Variants in ABHD10 observed in about 807,000 individuals in gnomAD.
The protein encoded by ABHD10 is abhydrolase domain containing 10, depalmitoylase, also known as palmitoyl-protein thioesterase ABHD10, mitochondrial.
In ABHD10, 22 loss-of-function variants were observed where a neutral mutation model predicts 33.1. The ratio of observed to expected loss-of-function variants is 0.66; its 90% CI spans 0.47 to 0.95. The LOEUF is 0.95. Among genes scored for constraint, ABHD10 ranks in the 40% least tolerant of loss-of-function variants. The pLI, the probability that ABHD10 is intolerant of heterozygous loss-of-function variation, is 0.00. For synonymous variants in ABHD10, 146 were observed against 133.9 expected, an observed-to-expected ratio of 1.09 and a Z score of -0.62; for missense variants, 352 against 379.9, an observed-to-expected ratio of 0.93 and a Z score of 0.61.
chr3:111,990,837 C>A, intron 4 of ABHD10: 2 of 699,380 alleles, frequency 2.9e-6, no homozygotes, highest in Non-Finnish European at 4.1e-6. Flanking sequence ...TTCCCTATGC[C>A]ATATCCATTT....
Position 111,986,298 on chromosome 3 carries a change from A to G in ABHD10, c.361A>G (p.Asn121Asp). The G allele has an allele frequency of 1.9e-6, 3 of 1,613,974 alleles. No homozygotes were observed. Among genetic ancestry groups the G allele is most frequent in the Non-Finnish European group, 2.5e-6 (3 of 1,179,890 alleles). Residue 121 changes from asparagine to aspartate, a missense_variant, in exon 3 of 5, where the codon AAC becomes GAC. Physicochemically the swap from Asn to Asp is conservative, Grantham distance 23. Coordinates refer to ENST00000273359, the MANE Select transcript of ABHD10 (RefSeq NM_018394.4). ...DYSGVGSSDG[N>D]SEESTLGKWR... ...CTCAGGAGTTGGAAGTTCAGATGGTAACTCAGAGGAAAGCACACTGGGGAA... is the reference window on the plus strand; with the variant it reads ...CTCAGGAGTTGGAAGTTCAGATGGTGACTCAGAGGAAAGCACACTGGGGAA...
At chr3:111,989,130 A>G (rs1431302228) in intron 4 of ABHD10, among the ~76,000 whole-genome samples, 1 of 152,196 alleles carries the variant, frequency 6.6e-6, no homozygotes, top group Non-Finnish European at 1.5e-5. Context: ...AGCCCTAACA[A>G]TGTCAACGGA....
intron 4 of ABHD10, among the ~76,000 whole-genome samples, 179 bp from the exon 5 acceptor site, chr3:111,991,198 A>G (rs1271290973): frequency 1.3e-5 from 2 of 152,212 alleles, no homozygotes; most frequent in East Asian, 1.9e-4. Context: ...AATAATATGT[A>G]TAAAATACCC....
At chr3:111,985,959 A>G (rs765618349) in intron 2 of ABHD10, among the ~76,000 whole-genome samples, 3 of 152,218 alleles carry the variant, frequency 2.0e-5, no homozygotes, top group Non-Finnish European at 4.4e-5. Context: ...GGATCACTCT[A>G]CTATATAGGG....
rs1487542348 is a variant in ABHD10 at position 111,981,901 on chromosome 3, A to G, written c.260A>G (p.Tyr87Cys). ...ATCTTCATCCCTGGCTATCTTTCTT[A>G]TATGAATGGTACAAAAGCGTTGGCG... ...GIIFIPGYLSYMNGTKALAIE... is the reference protein window; with the variant it reads ...GIIFIPGYLSCMNGTKALAIE... Residue 87 changes from tyrosine to cysteine, a missense_variant, in exon 2 of 5, where the codon TAT (tyrosine) becomes TGT (cysteine). Physicochemically the swap from Tyr to Cys is radical, Grantham distance 194. Transcript: ENST00000273359. The G allele has an allele frequency of 1.9e-6, 3 of 1,608,126 alleles. No homozygotes were observed. The highest frequency in any genetic ancestry group is 1.7e-5 in the Admixed American group (1 of 59,970).
At chr3:111,981,686 C>G in intron 1 of ABHD10, 98 bp from the exon 2 acceptor site, 1 of 1,082,756 alleles carries the variant, frequency 9.2e-7, no homozygotes, top group Non-Finnish European at 1.3e-6. Flanking sequence ...TATTTAACAT[C>G]AATTCATTGA....
intron 4 of ABHD10, among the ~76,000 whole-genome samples, chr3:111,987,745 T>C (rs1259453294): frequency 6.6e-6 from 1 of 152,182 alleles, no homozygotes; most frequent in African/African-American, 2.4e-5. Flanking sequence ...ATATTTTTGA[T>C]ACAAAGTTAG....
chr3:111,990,069 A>G (rs925470794), intron 4 of ABHD10, among the ~76,000 whole-genome samples: 3 of 151,886 alleles, frequency 2.0e-5, no homozygotes, highest in Admixed American at 2.0e-4. Context: ...AATGCCCTTA[A>G]TATTATATGA....
Position 111,981,770 on chromosome 3 carries a change from T to C in ABHD10, c.143-14T>C, listed in dbSNP as rs2072587966. 2 of 1,518,688 alleles carry C rather than the reference T, an allele frequency of 1.3e-6. No individual in the cohort carries two copies. The highest frequency in any genetic ancestry group is 1.8e-6 in the Non-Finnish European group (2 of 1,120,996). 94.1% of individuals were successfully genotyped at this position (1,518,688 alleles called of 1,614,324 possible). ...TTTACAAACCATAGTTTACTTTTTG[T>C]GTACTTTGTTTAGCTTGTAGACAAA... On this transcript the variant is annotated splice_polypyrimidine_tract_variant and intron_variant, in intron 1 of 4. Coordinates refer to ENST00000273359, the MANE Select transcript of ABHD10 (RefSeq NM_018394.4).
At position 111,992,548 on chromosome 3, in the gene ABHD10, A is replaced by C. The variant is rs927205935; in HGVS notation, c.*827A>C. On this transcript the variant is annotated 3_prime_UTR_variant, in exon 5 of 5. Transcript: ENST00000273359. ...AATCAGAAGACGTTCTAAAGTCAGT[A>C]AGAAAGTGTGAAATGCTAGTATAAA... 6.6e-6 allele frequency: 1 copy of C among 152,162 alleles called. No individual in the cohort carries two copies. The highest frequency in any genetic ancestry group is 1.9e-4 in the East Asian group (1 of 5,200). 9.4% of individuals were successfully genotyped at this position (152,162 alleles called of 1,614,324 possible).
chr3:111,982,225 G>C (rs1217425202), intron 2 of ABHD10: 2 of 296,688 alleles, frequency 6.7e-6, no homozygotes, highest in Non-Finnish European at 1.2e-5. Flanking sequence ...CTCTTTAGAG[G>C]CAATAATGTA....
At chr3:111,988,617 G>T (rs7619171) in intron 4 of ABHD10, among the ~76,000 whole-genome samples, 19,422 of 151,648 alleles carry the variant, frequency 0.13, 1,466 homozygotes, top group African/African-American at 0.2. Context: ...GGGTTTTTAG[G>T]GTATCTCTGT....
intron 2 of ABHD10, among the ~76,000 whole-genome samples, chr3:111,982,576 G>C (rs1415567141): frequency 6.6e-6 from 1 of 152,106 alleles, no homozygotes. Flanking sequence ...GAGATGGTAT[G>C]ATTTCGTAAA....
chr3:111,987,093 C>T, intron 4 of ABHD10, 42 bp downstream of exon 4: 11 of 1,589,634 alleles, frequency 6.9e-6, no homozygotes, highest in Non-Finnish European at 9.4e-6. Flanking sequence ...ATATTTACCG[C>T]TTATACTTCT....
Position 111,992,729 on chromosome 3 carries a change from A to G in ABHD10, c.*1008A>G, listed in dbSNP as rs941622520. The stretch of plus-strand genomic sequence containing the variant: ...ACCTTTTAAGTTGACAACATGACTC[A>G]TATATATACATGTGTATAAGATGAG... On this transcript the variant is annotated 3_prime_UTR_variant, in exon 5 of 5. Coordinates refer to ENST00000273359, the MANE Select transcript of ABHD10 (RefSeq NM_018394.4). The G allele has an allele frequency of 6.6e-6, 1 of 152,180 alleles. No homozygotes were observed. The highest frequency in any genetic ancestry group is 2.1e-4 in the South Asian group (1 of 4,820). The allele number at this position is 152,180 out of a possible 1,614,324, so 9.4% of individuals were successfully genotyped here.
chr3:111,987,201 C>T (rs2072679256), intron 4 of ABHD10, 150 bp downstream of exon 4: 3 of 719,456 alleles, frequency 4.2e-6, no homozygotes, highest in African/African-American at 1.8e-5. Flanking sequence ...CCTTTCTGTA[C>T]ACAACCTCTT....
Position 111,979,086 on chromosome 3 carries a change from G to C in ABHD10, c.25G>C (p.Val9Leu). The change falls in exon 1 of 5, where the codon GTG becomes CTG. Residue 9 changes from valine to leucine, a missense_variant. Val to Leu is a conservative substitution (Grantham distance 32, BLOSUM62 1). Transcript: ENST00000273359. Reference sequence around the variant, plus strand: ...GATGGCGGTTGCGCGCTTGGCAGCTGTGGCGGCCTGGGTACCTTGTCGGAG... The same window carrying C: ...GATGGCGGTTGCGCGCTTGGCAGCTCTGGCGGCCTGGGTACCTTGTCGGAG... MAVARLAA[V>L]AAWVPCRSWG... The C allele has an allele frequency of 6.2e-7, 1 of 1,613,386 alleles. No individual in the cohort carries two copies. The highest frequency in any genetic ancestry group is 8.5e-7 in the Non-Finnish European group (1 of 1,179,770).
intron 2 of ABHD10, chr3:111,982,430 G>A (rs1253281063): frequency 6.6e-6 from 1 of 152,198 alleles, no homozygotes; most frequent in African/African-American, 2.4e-5. Flanking sequence ...AGCATAAATA[G>A]GGATAAGTGG....
chr3:111,988,007 G>A (rs937674617), intron 4 of ABHD10, among the ~76,000 whole-genome samples: 1 of 152,128 alleles, frequency 6.6e-6, no homozygotes. Context: ...GAAACTGGGG[G>A]TATGGCCCAG....
Sources: allele counts gnomAD v4.1 joint callset (sites outside exome capture counted in the v4.1 genomes callset), GRCh38; gene constraint gnomAD v4.1.1; transcripts MANE v1.5; gene names NCBI Gene and HGNC (gene_info 2026-07-23, HGNC 2026-07-21).